The following TSPAN5 variants were observed in gnomAD, a reference collection of about 807,000 sequenced individuals.
The protein encoded by TSPAN5 is tetraspanin-5.
A neutral mutation model predicts 37.1 loss-of-function variants in TSPAN5; 10 were observed. The observed-to-expected ratio is 0.27, with a 90% CI of 0.17 to 0.46. The LOEUF is 0.46. TSPAN5 is among the 20% of genes least tolerant of loss of function. The pLI, the probability that TSPAN5 is intolerant of heterozygous loss-of-function variation, is 1.00. For missense variants in TSPAN5, 195 were observed against 326.6 expected (o/e 0.60, Z 3.11); for synonymous variants, 110 against 118.9 (o/e 0.93, Z 0.48).
At chr4:98,612,457 GTTC>G (rs1756220498) in intron 1 of TSPAN5, among the ~76,000 whole-genome samples, 1 of 152,162 alleles carries the variant, frequency 6.6e-6, no homozygotes, top group African/African-American at 2.4e-5. Flanking sequence ...TAATCTTTCA[GTTC>G]TTGTCATGTT....
At chr4:98,591,755 G>A (rs1452020410) in intron 1 of TSPAN5, among the ~76,000 whole-genome samples, 1 of 145,090 alleles carries the variant, frequency 6.9e-6, no homozygotes, top group Non-Finnish European at 1.5e-5. Flanking sequence ...TAAATTACAT[G>A]TGCTTACATA....
chr4:98,603,367 T>C (rs1402152785), intron 1 of TSPAN5, among the ~76,000 whole-genome samples: 1 of 152,234 alleles, frequency 6.6e-6, no homozygotes, highest in African/African-American at 2.4e-5. Context: ...ATGATGTTGC[T>C]AAAGGACATT....
intron 1 of TSPAN5, among the ~76,000 whole-genome samples, chr4:98,624,013 T>C (rs1756536733): frequency 1.3e-5 from 2 of 152,184 alleles, no homozygotes; most frequent in Non-Finnish European, 2.9e-5. Flanking sequence ...TCTTTTGCTT[T>C]ATATGAAACT....
chr4:98,658,507 A>C lies in TSPAN5; in HGVS notation c.-281T>G. The C allele has an allele frequency of 9.5e-6, 2 of 211,520 alleles. No homozygotes were observed. The highest frequency in any genetic ancestry group is 2.3e-5 in the African/African-American group (1 of 43,312). 13.1% of individuals were successfully genotyped at this position (211,520 alleles called of 1,614,324 possible). A position where few individuals can be genotyped will look rare whatever the true frequency, so the allele number is the denominator to read the frequency against. Reference sequence around the variant, plus strand: ...CTCGCCGACGCTAGCCCCGAACACAAAGCGAGCGCCCGCGTCCGTGCGCCA... The same window carrying C: ...CTCGCCGACGCTAGCCCCGAACACACAGCGAGCGCCCGCGTCCGTGCGCCA... On this transcript the variant is annotated 5_prime_UTR_variant, in exon 1 of 8. Coordinates refer to ENST00000305798, the MANE Select transcript of TSPAN5 (RefSeq NM_005723.4).
intron 2 of TSPAN5, among the ~76,000 whole-genome samples, chr4:98,504,172 GT>G (rs1275385482): frequency 6.6e-6 from 1 of 152,156 alleles, no homozygotes; most frequent in African/African-American, 2.4e-5. Context: ...GTTTCTTCCA[GT>G]GGAAATCTCA....
intron 1 of TSPAN5, among the ~76,000 whole-genome samples, chr4:98,515,141 A>G (rs1753701198): frequency 1.3e-5 from 2 of 152,204 alleles, no homozygotes; most frequent in African/African-American, 2.4e-5. Context: ...GCTGCAAGAC[A>G]CAGCACAGAG....
chr4:98,630,421 T>G (rs1025781058), intron 1 of TSPAN5, among the ~76,000 whole-genome samples: 5 of 152,230 alleles, frequency 3.3e-5, no homozygotes, highest in African/African-American at 1.2e-4. Context: ...TTCTCGTTTA[T>G]GTGTGTATTT....
At chr4:98,615,472 G>A (rs1392905710) in intron 1 of TSPAN5, among the ~76,000 whole-genome samples, 2 of 152,134 alleles carry the variant, frequency 1.3e-5, no homozygotes, top group Non-Finnish European at 2.9e-5. Context: ...ATTCTCAAAT[G>A]CAGAGATTTC....
intron 1 of TSPAN5, among the ~76,000 whole-genome samples, chr4:98,566,699 G>A (rs1755011748): frequency 6.6e-6 from 1 of 152,200 alleles, no homozygotes; most frequent in Non-Finnish European, 1.5e-5. Context: ...ATGCTGTGGA[G>A]GAGGGCGGGT....
chr4:98,571,962 TTTTATTTATTTA>T (rs58535549), intron 1 of TSPAN5, among the ~76,000 whole-genome samples: 89,668 of 150,750 alleles, frequency 0.59, 26,844 homozygotes, highest in African/African-American at 0.64. Context: ...GAGAGAGACA[TTTTATTTATTTA>T]TTTATTTATT....
At chr4:98,604,109 T>C (rs1755948372) in intron 1 of TSPAN5, among the ~76,000 whole-genome samples, 1 of 152,086 alleles carries the variant, frequency 6.6e-6, no homozygotes, top group South Asian at 2.1e-4. Flanking sequence ...ATCAGTCATT[T>C]CAATCACGCA....
chr4:98,503,291 C>T (rs1218319802), intron 2 of TSPAN5, among the ~76,000 whole-genome samples: 1 of 152,132 alleles, frequency 6.6e-6, no homozygotes, highest in Non-Finnish European at 1.5e-5. Context: ...AATCCAGCCA[C>T]ACTCTCTACA....
intron 6 of TSPAN5, 38 bp from the exon 7 acceptor site, chr4:98,476,343 G>A (rs1278549947): frequency 1.2e-6 from 2 of 1,612,620 alleles, no homozygotes; most frequent in Admixed American, 1.7e-5. Context: ...GTCACAGATA[G>A]AGCACCAGGC....
At chr4:98,487,000 T>C in intron 2 of TSPAN5, 116 bp from the exon 3 acceptor site, 1 of 975,150 alleles carries the variant, frequency 1.0e-6, no homozygotes, top group Non-Finnish European at 1.5e-6. Flanking sequence ...AGAGGGCATC[T>C]GATTATCAGG....
intron 1 of TSPAN5, among the ~76,000 whole-genome samples, chr4:98,614,413 C>A (rs1420830139): frequency 1.3e-5 from 2 of 152,072 alleles, no homozygotes; most frequent in African/African-American, 2.4e-5. Context: ...TGGAGCCAGG[C>A]TATTTTACAT....
chr4:98,510,638 A>AG (rs1279600560), intron 1 of TSPAN5, among the ~76,000 whole-genome samples: 10 of 152,332 alleles, frequency 6.6e-5, no homozygotes, highest in African/African-American at 2.4e-4. Flanking sequence ...AAGAGGAGAG[A>AG]GAAAAAAAGT....
chr4:98,479,325 A>G (rs1752783659), intron 4 of TSPAN5, among the ~76,000 whole-genome samples: 1 of 152,170 alleles, frequency 6.6e-6, no homozygotes, highest in Non-Finnish European at 1.5e-5. Flanking sequence ...AACTATTGCT[A>G]TGGAATAAAA....
chr4:98,485,857 C>T (rs1296222893), intron 3 of TSPAN5, among the ~76,000 whole-genome samples: 1 of 146,076 alleles, frequency 6.8e-6, no homozygotes, highest in African/African-American at 2.5e-5. Context: ...AAATATTACA[C>T]TACAACTGTT....
At chr4:98,626,886 G>GTTTTTTTT (rs34770397) in intron 1 of TSPAN5, among the ~76,000 whole-genome samples, 3 of 83,484 alleles carry the variant, frequency 3.6e-5, no homozygotes, top group South Asian at 4.5e-4. Flanking sequence ...ATGAGAGCAG[G>GTTTTTTTT]TTTTTTTTTT....
Sources: gnomAD v4.1 joint callset for allele counts (sites outside exome capture counted in the v4.1 genomes callset) on GRCh38, gnomAD v4.1.1 for gene constraint, MANE v1.5 for transcripts, NCBI Gene and HGNC (gene_info 2026-07-23, HGNC 2026-07-21) for gene names.